The following TSC22D2 variants were observed in gnomAD, a reference collection of about 807,000 sequenced individuals.
The protein encoded by TSC22D2 is TSC22 domain family protein 2.
TSC22D2 carries 5 observed loss-of-function variants against 50.1 expected under a neutral mutation model. That is an observed-to-expected ratio of 0.10 (90% CI 0.05 to 0.21). TSC22D2 has a LOEUF of 0.21. Ranked by LOEUF, TSC22D2 falls within the 10% of genes least tolerant of loss-of-function variation. The pLI is 1.00. For missense variants in TSC22D2, 1,003 were observed against 1,015.5 expected, an observed-to-expected ratio of 0.99 and a Z score of 0.17; for synonymous variants, 501 against 450.1, an observed-to-expected ratio of 1.11 and a Z score of -1.43.
chr3:150,427,165 T>C (rs1352406903), intron 1 of TSC22D2, among the ~76,000 whole-genome samples: 2 of 152,168 alleles, frequency 1.3e-5, no homozygotes, highest in Non-Finnish European at 2.9e-5. Context: ...GCTGATCTAG[T>C]TTTTGAATGC....
Position 150,409,365 on chromosome 3 carries a change from G to T in TSC22D2, c.15G>T (p.Pro5=). The change falls in exon 1 of 3, where the codon CCG becomes CCT. Residue 5 remains proline, a synonymous_variant. Transcript: ENST00000688009. This position sits in a 1 kb window ranked among gnomAD's most constrained non-coding sequence, Gnocchi z 7.4. ...CCTTCTTCACCATGTCCAAGATGCC[G>T]GCCAAGAAGAAGAGCTGCTTCCAGA... MSKM[P]AKKKSCFQIT... 6.3e-7 allele frequency: 1 copy of T among 1,599,052 alleles called. No individual in the cohort carries two copies. Among genetic ancestry groups the T allele is most frequent in the South Asian group, 1.1e-5 (1 of 90,780 alleles).
chr3:150,456,180 G>GTTTTTTTTTTTTTTT (rs10603156), intron 1 of TSC22D2, among the ~76,000 whole-genome samples: 1 of 140,822 alleles, frequency 7.1e-6, no homozygotes, highest in African/African-American at 2.6e-5. Flanking sequence ...GTTTCTTTTT[G>GTTTTTTTTTTTTTTT]TTTTTTTTTT....
chr3:150,411,349 GGC>G, intron 1 of TSC22D2, 41 bp downstream of exon 1: 2 of 1,546,196 alleles, frequency 1.3e-6, no homozygotes, highest in Non-Finnish European at 1.7e-6. Context: ...AGAAATGCTT[GGC>G]CAACATTGTA....
chr3:150,464,949 A>T lies in TSC22D2; in HGVS notation c.*6313A>T, dbSNP rs1410082013. 1 of 152,228 alleles carries T rather than the reference A, an allele frequency of 6.6e-6. No individual in the cohort carries two copies. Among genetic ancestry groups the T allele is most frequent in the African/African-American group, 2.4e-5 (1 of 41,474 alleles). 9.4% of individuals were successfully genotyped at this position (152,228 alleles called of 1,614,324 possible). A position where few individuals can be genotyped will look rare whatever the true frequency, so the allele number is the denominator to read the frequency against. On this transcript the variant is annotated 3_prime_UTR_variant, in exon 3 of 3. Transcript: ENST00000688009. ...TCATAAGCAACAAGTGACACTTATT[A>T]TCTTGGCTGACAAAATCAGCTACCA...
At chr3:150,414,197 A>T (rs1719707393) in intron 1 of TSC22D2, among the ~76,000 whole-genome samples, 1 of 152,216 alleles carries the variant, frequency 6.6e-6, no homozygotes, top group South Asian at 2.1e-4. Context: ...CATAAAGTTT[A>T]TCTTTCTGGC....
At chr3:150,433,239 C>A (rs1160351703) in intron 1 of TSC22D2, among the ~76,000 whole-genome samples, 1 of 152,124 alleles carries the variant, frequency 6.6e-6, no homozygotes, top group Non-Finnish European at 1.5e-5. Context: ...GTATTTTTCA[C>A]TTTTTAATTG....
At position 150,458,777 on chromosome 3, in the gene TSC22D2, A is replaced by C; in HGVS notation, c.*141A>C. 1 of 1,072,618 alleles carries C rather than the reference A, an allele frequency of 9.3e-7. No homozygotes were observed. Among genetic ancestry groups the C allele is most frequent in the Non-Finnish European group, 1.3e-6 (1 of 749,388 alleles). The allele number at this position is 1,072,618 out of a possible 1,614,324, so 66.4% of individuals were successfully genotyped here. ...CTTTTCAGTATTAGACAATCATTCTACAAGAGCTTTTCCTCTCTCTGAGAT... is the reference window on the plus strand; with the variant it reads ...CTTTTCAGTATTAGACAATCATTCTCCAAGAGCTTTTCCTCTCTCTGAGAT... On this transcript the variant is annotated 3_prime_UTR_variant, in exon 3 of 3. Coordinates refer to ENST00000688009, the MANE Select transcript of TSC22D2 (RefSeq NM_001303264.2).
intron 1 of TSC22D2, among the ~76,000 whole-genome samples, chr3:150,426,229 T>G (rs58823268): frequency 6.6e-6 from 1 of 152,216 alleles, no homozygotes. Flanking sequence ...ACTTACATAG[T>G]TAGCTTTCTG....
chr3:150,412,363 G>C (rs896556902), intron 1 of TSC22D2, among the ~76,000 whole-genome samples: 3 of 152,158 alleles, frequency 2.0e-5, no homozygotes, highest in African/African-American at 7.2e-5. Flanking sequence ...AATTTTAGGT[G>C]TTTTTAAAAG....
At chr3:150,457,150 C>T (rs1486659823) in intron 2 of TSC22D2, 23 bp downstream of exon 2, 4 of 1,603,508 alleles carry the variant, frequency 2.5e-6, no homozygotes, top group African/African-American at 1.3e-5. Context: ...TTACAGTTCT[C>T]CCATTTCATA....
chr3:150,410,982 T>C lies in TSC22D2; in HGVS notation c.1632T>C (p.His544=). ...CCCAGTCGCAACAGCTGAGCAGCCA[T>C]ACGCCAGTCAGCAGGAGCAGCAGCA... ...PLAQSQQLSS[H]TPVSRSSSII... Residue 544 remains histidine, a synonymous_variant, in exon 1 of 3, where the codon CAT becomes CAC. Coordinates refer to ENST00000688009, the MANE Select transcript of TSC22D2 (RefSeq NM_001303264.2). 1 of 1,614,178 alleles carries C rather than the reference T, an allele frequency of 6.2e-7. No homozygotes were observed. The highest frequency in any genetic ancestry group is 1.1e-5 in the South Asian group (1 of 91,088).
intron 1 of TSC22D2, among the ~76,000 whole-genome samples, chr3:150,429,385 A>G (rs1396783015): frequency 6.6e-6 from 1 of 152,132 alleles, no homozygotes; most frequent in Non-Finnish European, 1.5e-5. Flanking sequence ...CTCATGGAGA[A>G]AAATAACTAC....
rs1721504583 is a variant in TSC22D2, at chr3:150,464,641, A to G, written c.*6005A>G. The G allele has an allele frequency of 6.6e-6, 1 of 152,174 alleles. No homozygotes were observed. Among genetic ancestry groups the G allele is most frequent in the South Asian group, 2.1e-4 (1 of 4,822 alleles). 9.4% of individuals were successfully genotyped at this position (152,174 alleles called of 1,614,324 possible). A position where few individuals can be genotyped will look rare whatever the true frequency, so the allele number is the denominator to read the frequency against. ...ATCATTTGTTAAATGAAAGGTTTTT[A>G]TAAATCAACAGTAATATTGCCATCC... On this transcript the variant is annotated 3_prime_UTR_variant, in exon 3 of 3. Transcript: ENST00000688009.
intron 1 of TSC22D2, among the ~76,000 whole-genome samples, chr3:150,427,362 C>G (rs1284503292): frequency 6.6e-6 from 1 of 151,984 alleles, no homozygotes; most frequent in Non-Finnish European, 1.5e-5. Context: ...CCTCCCAATC[C>G]TAATTTCTAA....
At chr3:150,449,775 G>A (rs1408214772) in intron 1 of TSC22D2, among the ~76,000 whole-genome samples, 6 of 151,978 alleles carry the variant, frequency 3.9e-5, no homozygotes, top group African/African-American at 9.7e-5. Flanking sequence ...AGGGGAGGTC[G>A]GGAGAGGAGA....
chr3:150,453,492 G>A (rs1376811344), intron 1 of TSC22D2, among the ~76,000 whole-genome samples: 1 of 152,162 alleles, frequency 6.6e-6, no homozygotes, highest in African/African-American at 2.4e-5. Context: ...CTAAAGCAGT[G>A]GTTCTCATAC....
chr3:150,443,397 C>T (rs78308986), intron 1 of TSC22D2, among the ~76,000 whole-genome samples: 1,820 of 152,196 alleles, frequency 0.012, 47 homozygotes, highest in African/African-American at 0.042. Context: ...AGTTCATGGC[C>T]GTAAGTCACT....
intron 1 of TSC22D2, among the ~76,000 whole-genome samples, chr3:150,446,657 T>G (rs1720900069): frequency 6.6e-6 from 1 of 152,128 alleles, no homozygotes; most frequent in South Asian, 2.1e-4. Context: ...CATTAAGGAA[T>G]GATGGCCATG....
intron 1 of TSC22D2, among the ~76,000 whole-genome samples, chr3:150,445,228 G>T (rs1042084770): frequency 2.0e-5 from 3 of 151,372 alleles, no homozygotes; most frequent in Non-Finnish European, 4.4e-5. Context: ...CAGGAGAATC[G>T]CTTGAACCCA....
Sources: gnomAD v4.1 joint callset for allele counts (sites outside exome capture counted in the v4.1 genomes callset) on GRCh38, gnomAD v4.1.1 for gene constraint, Gnocchi (gnomAD v3.1) non-coding constraint, MANE v1.5 for transcripts, NCBI Gene and HGNC (gene_info 2026-07-23, HGNC 2026-07-21) for gene names.